Variants in ABHD6 observed in about 807,000 individuals in gnomAD.
ABHD6 encodes the protein abhydrolase domain containing 6, acylglycerol lipase.
ABHD6 carries 33 observed loss-of-function variants against 38.8 expected under a neutral mutation model. The observed-to-expected ratio is 0.85, with a 90% CI of 0.64 to 1.14. The LOEUF is 1.14. ABHD6 is among the 50% of genes most tolerant of loss of function. The pLI is 0.00. For missense variants in ABHD6, 380 were observed against 422.6 expected, an observed-to-expected ratio of 0.90 and a Z score of 0.88; for synonymous variants, 147 against 161.6, an observed-to-expected ratio of 0.91 and a Z score of 0.69.
intron 1 of ABHD6, among the ~76,000 whole-genome samples, chr3:58,248,371 A>C (rs1460126685): frequency 6.6e-6 from 1 of 152,230 alleles, no homozygotes; most frequent in Non-Finnish European, 1.5e-5. Flanking sequence ...GTTTTCACAC[A>C]TAATCAGGCA....
chr3:58,278,451 C>T (rs2097450467), intron 7 of ABHD6, among the ~76,000 whole-genome samples: 1 of 152,110 alleles, frequency 6.6e-6, no homozygotes, highest in Non-Finnish European at 1.5e-5. Flanking sequence ...GTGATATCCC[C>T]TTTATCATTT....
intron 7 of ABHD6, among the ~76,000 whole-genome samples, chr3:58,283,181 G>A (rs1000804257): frequency 6.6e-6 from 1 of 152,174 alleles, no homozygotes; most frequent in African/African-American, 2.4e-5. Context: ...CTGATGCTGT[G>A]GCATGTTCCA....
rs1168837519 is a variant in ABHD6, at chr3:58,269,534, AC to A, written c.390+102del. 17 of 861,342 alleles carry A rather than the reference AC, an allele frequency of 2.0e-5. No individual in the cohort carries two copies. In the African/African-American group the frequency reaches 2.8e-4, roughly 14 times the overall value. 53.4% of individuals were successfully genotyped at this position (861,342 alleles called of 1,614,324 possible). ...GAAGGGAGTCCTGTGCTACCTCATG[AC>A]CAGTCTCCTGTACATTCTGTCTACA... On this transcript the variant is annotated intron_variant, in intron 5 of 9. Transcript: ENST00000478253. The surrounding 1 kb of genome is among the most constrained non-coding windows in gnomAD (Gnocchi z 4.4).
At chr3:58,289,231 T>TA (rs1319030643) in intron 9 of ABHD6, among the ~76,000 whole-genome samples, 4 of 151,110 alleles carry the variant, frequency 2.6e-5, no homozygotes, top group Admixed American at 2.6e-4. Context: ...ATTTTTTATT[T>TA]TTTTTATTTT....
Position 58,267,289 on chromosome 3 carries a change from A to T in ABHD6, c.220A>T (p.Ile74Phe), listed in dbSNP as rs1198960592. 6.2e-7 allele frequency: 1 copy of T among 1,614,072 alleles called. No individual in the cohort carries two copies. The highest frequency in any genetic ancestry group is 8.5e-7 in the Non-Finnish European group (1 of 1,180,034). The change falls in exon 4 of 10, where the codon ATC (isoleucine) becomes TTC (phenylalanine). Residue 74 changes from isoleucine (I) to phenylalanine (F), a missense_variant. Ile to Phe is a conservative substitution (Grantham distance 21). Transcript: ENST00000478253. This position sits in a 1 kb window ranked among gnomAD's most constrained non-coding sequence, Gnocchi z 4.3. ...FRGRPGHKPSILMLHGFSAHK... is the reference protein window; with the variant it reads ...FRGRPGHKPSFLMLHGFSAHK... ...GGGCAGGCCTGGGCACAAACCCTCC[A>T]TCCTCATGCTCCACGGATTCTCTGC...
intron 1 of ABHD6, among the ~76,000 whole-genome samples, chr3:58,240,197 G>T (rs1302276631): frequency 6.6e-6 from 1 of 151,906 alleles, no homozygotes; most frequent in Non-Finnish European, 1.5e-5. Flanking sequence ...ATCCTAGTAG[G>T]CTAGCTAAGA....
intron 7 of ABHD6, among the ~76,000 whole-genome samples, chr3:58,278,464 T>A (rs2097450475): frequency 6.6e-6 from 1 of 152,216 alleles, no homozygotes; most frequent in Non-Finnish European, 1.5e-5. Flanking sequence ...TATCATTTTT[T>A]ATTGTGTCTA....
rs75361690 is a variant in ABHD6, at chr3:58,266,710, A to T, written c.120-479A>T. On this transcript the variant is annotated intron_variant, in intron 3 of 9. Coordinates refer to ENST00000478253, the MANE Select transcript of ABHD6 (RefSeq NM_001320126.2). This position sits in a 1 kb window ranked among gnomAD's most constrained non-coding sequence, Gnocchi z 4.0. ...CATGCAGAGAGTTCAATTTGTTTAG[A>T]TGGTAATTTCATATTGAAATTGATT... Among the ~76,000 whole-genome samples the T allele has an allele frequency of 0.01, 1,576 of 152,278 alleles. 25 individuals carry two copies. Among genetic ancestry groups the T allele is most frequent in the African/African-American group, 0.036 (1,494 of 41,552 alleles).
At position 58,293,716 on chromosome 3, in the gene ABHD6, A is replaced by G. The variant is rs1366862174; in HGVS notation, c.965A>G (p.Asp322Gly). The G allele has an allele frequency of 6.2e-6, 10 of 1,614,074 alleles. No individual in the cohort carries two copies. In the South Asian group the frequency reaches 9.9e-5, roughly 16 times the overall value. Reference sequence around the variant, plus strand: ...AGGAAGACAGCCAAGCTCATAATCGACTTTTTAGCTTCTGTGCACAACACA... The same window carrying G: ...AGGAAGACAGCCAAGCTCATAATCGGCTTTTTAGCTTCTGTGCACAACACA... ...RPRKTAKLII[D>G]FLASVHNTDN... The change falls in exon 10 of 10, where the codon GAC (aspartate) becomes GGC (glycine). Residue 322 changes from aspartate to glycine, a missense_variant. Asp to Gly is a moderately conservative substitution (Grantham distance 94). Coordinates refer to ENST00000478253, the MANE Select transcript of ABHD6 (RefSeq NM_001320126.2). The surrounding 1 kb of genome is among the most constrained non-coding windows in gnomAD (Gnocchi z 4.4).
chr3:58,276,827 A>C (rs1368507941), intron 7 of ABHD6, among the ~76,000 whole-genome samples: 2 of 152,188 alleles, frequency 1.3e-5, no homozygotes, highest in Non-Finnish European at 2.9e-5. Flanking sequence ...TCAGCTTTCT[A>C]CATATGGCTA....
chr3:58,242,829 G>T (rs1320040213), intron 1 of ABHD6, among the ~76,000 whole-genome samples: 2 of 152,060 alleles, frequency 1.3e-5, no homozygotes, highest in African/African-American at 4.8e-5. Context: ...CCGTTAACTC[G>T]TCATTTACGT....
At chr3:58,288,478 C>T (rs1371889973) in intron 9 of ABHD6, among the ~76,000 whole-genome samples, 1 of 152,204 alleles carries the variant, frequency 6.6e-6, no homozygotes, top group African/African-American at 2.4e-5. Context: ...CATCTAGAGA[C>T]AGACAGGCTA....
chr3:58,292,206 C>T (rs867898083), intron 9 of ABHD6, among the ~76,000 whole-genome samples: 1 of 152,208 alleles, frequency 6.6e-6, no homozygotes, highest in African/African-American at 2.4e-5. Context: ...GACTCTTTTC[C>T]TTGACTGAGG....
chr3:58,290,254 G>A (rs2097461120), intron 9 of ABHD6, among the ~76,000 whole-genome samples: 2 of 126,558 alleles, frequency 1.6e-5, no homozygotes, highest in Non-Finnish European at 1.7e-5. Flanking sequence ...GGGCAGAGGC[G>A]CCCCTCACCT....
chr3:58,293,532 G>A lies in ABHD6; in HGVS notation c.838-57G>A, dbSNP rs2107486973. The A allele has an allele frequency of 6.3e-7, 1 of 1,582,988 alleles. No homozygotes were observed. Among genetic ancestry groups the A allele is most frequent in the Middle Eastern group, 1.9e-4 (1 of 5,254 alleles). ...TTGGTGGAAGTTCTGTCCACAGAGT[G>A]CACACGTGGGTGTCTGAATCTTTGT... On this transcript the variant is annotated intron_variant, in intron 9 of 9. Transcript: ENST00000478253. The surrounding 1 kb of genome is among the most constrained non-coding windows in gnomAD (Gnocchi z 4.4).
At position 58,266,718 on chromosome 3, in the gene ABHD6, T is replaced by G. The variant is rs2097441261; in HGVS notation, c.120-471T>G. 6.6e-6 allele frequency among the ~76,000 whole-genome samples: 1 copy of G among 152,164 alleles called. No homozygotes were observed. Among genetic ancestry groups the G allele is most frequent in the Admixed American group, 6.5e-5 (1 of 15,276 alleles). ...GAGTTCAATTTGTTTAGATGGTAAT[T>G]TCATATTGAAATTGATTTTGGGCCA... On this transcript the variant is annotated intron_variant, in intron 3 of 9. Transcript: ENST00000478253. This position sits in a 1 kb window ranked among gnomAD's most constrained non-coding sequence, Gnocchi z 4.0.
chr3:58,268,103 T>C (rs539991699), intron 4 of ABHD6, among the ~76,000 whole-genome samples: 2 of 152,274 alleles, frequency 1.3e-5, no homozygotes, highest in South Asian at 2.1e-4. Flanking sequence ...TAATGCAATA[T>C]GTTACTCATT....
At position 58,247,315 on chromosome 3, in the gene ABHD6, T is replaced by G. The variant is rs560270845; in HGVS notation, c.-90-2563T>G. On this transcript the variant is annotated intron_variant, in intron 1 of 9. Transcript: ENST00000478253. ...CACGGTGCCTGGCCTCTTGAACTAG[T>G]GTAGAGTCCGGGACTGGCCAGTAGA... is the stretch of plus-strand genomic sequence containing the variant. Among the ~76,000 whole-genome samples, 18 of 152,148 alleles carry G rather than the reference T, an allele frequency of 1.2e-4. No individual in the cohort carries two copies. The South Asian group carries it at 3.1e-3, about 26-fold the overall frequency.
rs2107488382 is a variant in ABHD6 at position 58,294,395 on chromosome 3, A to T, written c.*630A>T. 4 of 152,672 alleles carry T rather than the reference A, an allele frequency of 2.6e-5. No homozygotes were observed. In the East Asian group the frequency reaches 5.8e-4, roughly 22 times the overall value. 9.5% of individuals were successfully genotyped at this position (152,672 alleles called of 1,614,324 possible). A position where few individuals can be genotyped will look rare whatever the true frequency, so the allele number is the denominator to read the frequency against. On this transcript the variant is annotated 3_prime_UTR_variant, in exon 10 of 10. Transcript: ENST00000478253. ...GTGGGAGGTTCATTCAGCACCCACC[A>T]GTCAGGTATGTTCTGAGTGAACCCA...
Sources: allele counts gnomAD v4.1 joint callset (sites outside exome capture counted in the v4.1 genomes callset), GRCh38; gene constraint gnomAD v4.1.1; non-coding constraint Gnocchi (gnomAD v3.1); transcripts MANE v1.5; gene names NCBI Gene and HGNC (gene_info 2026-07-23, HGNC 2026-07-21).